DYRK1A: variants seen among roughly 807,000 people sequenced by gnomAD.
DYRK1A encodes dual specificity tyrosine phosphorylation regulated kinase 1A.
DYRK1A carries 9 observed loss-of-function variants against 79.7 expected under a neutral mutation model. The ratio of observed to expected loss-of-function variants is 0.11; its 90% confidence interval spans 0.07 to 0.20. The LOEUF (loss-of-function observed/expected upper bound fraction) is 0.20, where lower values mean the gene tolerates loss of function less well. Among genes scored for constraint, DYRK1A ranks in the 10% least tolerant of loss-of-function variants. The pLI, the probability that DYRK1A is intolerant of heterozygous loss-of-function variation, is 1.00. For synonymous variants in DYRK1A, 349 were observed against 329.7 expected, an observed-to-expected ratio of 1.06 and a Z score of -0.63; for missense variants, 622 against 956.0, an observed-to-expected ratio of 0.65 and a Z score of 4.61.
At chr21:37,382,025 A>G (rs868730990) in intron 1 of DYRK1A, among the ~76,000 whole-genome samples, 4 of 152,188 alleles carry the variant, frequency 2.6e-5, no homozygotes, top group Middle Eastern at 6.8e-3. Context: ...TTATAAAGGG[A>G]TATGTTTGAA....
At chr21:37,449,597 T>G (rs1221498559) in intron 2 of DYRK1A, among the ~76,000 whole-genome samples, 1 of 152,190 alleles carries the variant, frequency 6.6e-6, no homozygotes, top group Admixed American at 6.5e-5. Flanking sequence ...AAATGTAGTC[T>G]AGTTGACTCA....
At chr21:37,434,131 T>C (rs528138674) in intron 2 of DYRK1A, among the ~76,000 whole-genome samples, 1 of 152,098 alleles carries the variant, frequency 6.6e-6, no homozygotes, top group Non-Finnish European at 1.5e-5. Context: ...GAAATTGTAG[T>C]GTTAGGGATA....
At chr21:37,395,978 A>G (rs2049953506) in intron 1 of DYRK1A, among the ~76,000 whole-genome samples, 1 of 152,210 alleles carries the variant, frequency 6.6e-6, no homozygotes. Context: ...GCCACACAAA[A>G]CATAGGAGAT....
intron 1 of DYRK1A, among the ~76,000 whole-genome samples, chr21:37,403,663 ATGTGTGTGTG>A (rs761056038): frequency 0.03 from 3,677 of 121,532 alleles, 163 homozygotes; most frequent in African/African-American, 0.093. Flanking sequence ...ATATATATAT[ATGTGTGTGTG>A]TGTGTGTGTG....
At chr21:37,492,757 T>C (rs929877593) in intron 7 of DYRK1A, among the ~76,000 whole-genome samples, 7 of 151,940 alleles carry the variant, frequency 4.6e-5, no homozygotes, top group Admixed American at 2.6e-4. Flanking sequence ...TTAAGAAATA[T>C]CATGATGACT....
upstream of DYRK1A, chr21:37,365,749 G>C (rs899966811): frequency 6.6e-6 from 1 of 152,352 alleles, no homozygotes; most frequent in Non-Finnish European, 1.5e-5. Context: ...GAAAACCAGA[G>C]AGCTGGACGA....
At chr21:37,449,097 G>A (rs995158869) in intron 2 of DYRK1A, among the ~76,000 whole-genome samples, 7 of 152,072 alleles carry the variant, frequency 4.6e-5, no homozygotes, top group African/African-American at 7.2e-5. Context: ...CTCAAAAACC[G>A]AAAACACATT....
intron 10 of DYRK1A, 105 bp downstream of exon 10, chr21:37,505,694 C>T: frequency 8.1e-7 from 1 of 1,235,624 alleles, no homozygotes; most frequent in South Asian, 1.5e-5. Context: ...GAGTGGGGAG[C>T]AGTTACTTTA....
At position 37,389,815 on chromosome 21, in the gene DYRK1A, C is replaced by A. The variant is rs139636002; in HGVS notation, c.-77+22187C>A. 4.8e-3 allele frequency among the ~76,000 whole-genome samples: 727 copies of A among 152,216 alleles called. 4 individuals carry two copies. The highest frequency in any genetic ancestry group is 0.041 in the Middle Eastern group (12 of 294). ...TGGGTCTCAGGTTGGGGTTGTGAAT[C>A]CCATGCTGGTGTTCTGCAGGCAGAA... is the stretch of plus-strand genomic sequence containing the variant. On this transcript the variant is annotated intron_variant, in intron 1 of 11. Transcript: ENST00000647188.
chr21:37,414,202 C>A (rs909246162), intron 1 of DYRK1A, among the ~76,000 whole-genome samples: 1 of 152,032 alleles, frequency 6.6e-6, no homozygotes, highest in East Asian at 1.9e-4. Flanking sequence ...ACACCCGTTA[C>A]CCAAGACTGA....
intron 2 of DYRK1A, among the ~76,000 whole-genome samples, chr21:37,465,594 T>C (rs1233728950): frequency 6.6e-6 from 1 of 152,136 alleles, no homozygotes; most frequent in Non-Finnish European, 1.5e-5. Context: ...CCTAGCACTT[T>C]GGGAGGCCAA....
intron 2 of DYRK1A, among the ~76,000 whole-genome samples, chr21:37,460,692 T>C (rs1481875040): frequency 2.6e-5 from 4 of 152,192 alleles, no homozygotes; most frequent in Non-Finnish European, 4.4e-5. Flanking sequence ...AGGGAAGAAT[T>C]TTAATTTAAA....
In DYRK1A at chr21:37,512,319, C is replaced by G. The variant is rs1383152057; in HGVS notation, c.2053C>G (p.Gln685Glu). 1.2e-6 allele frequency: 2 copies of G among 1,614,226 alleles called. No individual in the cohort carries two copies. Among genetic ancestry groups the G allele is most frequent in the South Asian group, 2.2e-5 (2 of 91,088 alleles). Residue 685 changes from glutamine (Q) to glutamate (E), a missense_variant, in exon 12 of 12, where the codon CAG (glutamine) becomes GAG (glutamate). Gln to Glu is a conservative substitution (Grantham distance 29). Transcript: ENST00000647188. ...PVAANTLDFG[Q>E]NGAMDVNLTV... ...GGCTGCTAATACCTTGGACTTTGGA[C>G]AGAATGGAGCTATGGACGTTAATTT...
chr21:37,395,342 G>A (rs1402521938), intron 1 of DYRK1A, among the ~76,000 whole-genome samples: 1 of 152,156 alleles, frequency 6.6e-6, no homozygotes, highest in Non-Finnish European at 1.5e-5. Context: ...CTGTAAGGAT[G>A]ATGTCGCCCT....
chr21:37,512,655 C>T lies in DYRK1A; in HGVS notation c.*124C>T. On this transcript the variant is annotated 3_prime_UTR_variant, in exon 12 of 12. Transcript: ENST00000647188. Reference sequence around the variant, plus strand: ...AACACACTGAACCGCTACAAGAGGGCAAAGCTGATTTTTTTTTTAACTTGA... The same window carrying T: ...AACACACTGAACCGCTACAAGAGGGTAAAGCTGATTTTTTTTTTAACTTGA... 8.6e-7 allele frequency: 1 copy of T among 1,164,876 alleles called. No individual in the cohort carries two copies. The highest frequency in any genetic ancestry group is 1.2e-6 in the Non-Finnish European group (1 of 840,394). 72.2% of individuals were successfully genotyped at this position (1,164,876 alleles called of 1,614,324 possible). A position where few individuals can be genotyped will look rare whatever the true frequency, so the allele number is the denominator to read the frequency against.
At chr21:37,457,791 T>C (rs2148518273) in intron 2 of DYRK1A, among the ~76,000 whole-genome samples, 1 of 151,754 alleles carries the variant, frequency 6.6e-6, no homozygotes, top group Non-Finnish European at 1.5e-5. Flanking sequence ...TCTATGTGTA[T>C]GCTTCTCCCC....
At chr21:37,492,699 A>G (rs1003914576) in intron 7 of DYRK1A, among the ~76,000 whole-genome samples, 3 of 152,222 alleles carry the variant, frequency 2.0e-5, no homozygotes, top group Non-Finnish European at 2.9e-5. Context: ...TTAGGGAAAT[A>G]CATTGCTTTC....
At chr21:37,430,981 T>C (rs981427276) in intron 2 of DYRK1A, among the ~76,000 whole-genome samples, 3 of 152,216 alleles carry the variant, frequency 2.0e-5, no homozygotes, top group African/African-American at 7.2e-5. Context: ...TCTGCTCTGG[T>C]TCCTAGATCT....
chr21:37,420,275 CA>C (rs1210028771), intron 1 of DYRK1A, 23 bp from the exon 2 acceptor site: 1 of 944,428 alleles, frequency 1.1e-6, no homozygotes, highest in African/African-American at 1.7e-5. Flanking sequence ...TATCTCTTAT[CA>C]TAATCTGTTT....
Sources: gnomAD v4.1 joint callset for allele counts (sites outside exome capture counted in the v4.1 genomes callset) on GRCh38, gnomAD v4.1.1 for gene constraint, MANE v1.5 for transcripts, NCBI Gene and HGNC (gene_info 2026-07-23, HGNC 2026-07-21) for gene names.